The following IGLON5 variants were observed in gnomAD, a reference collection of about 807,000 sequenced individuals.
IGLON5 encodes the protein IgLON family member 5.
In IGLON5, 16 loss-of-function variants were observed where a neutral mutation model predicts 38.2. The ratio of observed to expected loss-of-function variants is 0.42; its 90% confidence interval spans 0.28 to 0.64. The LOEUF (loss-of-function observed/expected upper bound fraction) is 0.64, where lower values mean the gene tolerates loss of function less well. Among genes scored for constraint, IGLON5 ranks in the 30% least tolerant of loss-of-function variants. The probability of loss-of-function intolerance (pLI) is 0.23; values close to 1 mark genes in which losing one functional copy is unlikely to be tolerated. For missense variants in IGLON5, 366 were observed against 483.4 expected (o/e 0.76, Z 2.28); for synonymous variants, 207 against 216.4 (o/e 0.96, Z 0.38).
chr19:51,320,033 A>ACG (rs1985014676), intron 1 of IGLON5, among the ~76,000 whole-genome samples: 1 of 151,224 alleles, frequency 6.6e-6, no homozygotes, highest in Non-Finnish European at 1.5e-5. Context: ...CTGTGTGTGT[A>ACG]TGTGTGTGTG....
chr19:51,316,010 A>G (rs1449400931), intron 1 of IGLON5, among the ~76,000 whole-genome samples: 1 of 151,774 alleles, frequency 6.6e-6, no homozygotes, highest in Non-Finnish European at 1.5e-5. Flanking sequence ...CAACCTTTCA[A>G]AGTTGACAGC....
chr19:51,316,637 G>C (rs528188698), intron 1 of IGLON5, among the ~76,000 whole-genome samples: 1 of 151,738 alleles, frequency 6.6e-6, no homozygotes, highest in Admixed American at 6.6e-5. Context: ...GGGACTACAA[G>C]CACATGCCAC....
chr19:51,327,286 C>T lies in IGLON5; in HGVS notation c.767+86C>T. On this transcript the variant is annotated intron_variant, in intron 6 of 7. Coordinates refer to ENST00000270642, the MANE Select transcript of IGLON5 (RefSeq NM_001101372.3). The surrounding 1 kb of genome is among the most constrained non-coding windows in gnomAD (Gnocchi z 7.1). ...TGTGAGGCAGGGGGACGGAGCGGGG[C>T]GGGGGAAGGCAGCAGAGCTCTGGGT... is the stretch of plus-strand genomic sequence containing the variant. The T allele has an allele frequency of 2.7e-6, 4 of 1,506,088 alleles. No homozygotes were observed. The highest frequency in any genetic ancestry group is 3.6e-6 in the Non-Finnish European group (4 of 1,117,048). The allele number at this position is 1,506,088 out of a possible 1,614,324, so 93.3% of individuals were successfully genotyped here. A position where few individuals can be genotyped will look rare whatever the true frequency, so the allele number is the denominator to read the frequency against.
In IGLON5 at chr19:51,329,800, C is replaced by T. The variant is rs901628193; in HGVS notation, c.*1041C>T. The T allele has an allele frequency of 1.8e-4, 27 of 150,834 alleles. No individual in the cohort carries two copies. Among genetic ancestry groups the T allele is most frequent in the African/African-American group, 2.8e-4 (11 of 39,786 alleles). 9.3% of individuals were successfully genotyped at this position (150,834 alleles called of 1,614,324 possible). On this transcript the variant is annotated 3_prime_UTR_variant, in exon 8 of 8. Transcript: ENST00000270642. The surrounding 1 kb of genome is among the most constrained non-coding windows in gnomAD (Gnocchi z 4.3). ...CTGACCGCCCTCACAGACACTCAGACGCACCACACACACATACACACACAC... is the reference window on the plus strand; with the variant it reads ...CTGACCGCCCTCACAGACACTCAGATGCACCACACACACATACACACACAC...
At chr19:51,312,026 C>A in intron 1 of IGLON5, 100 bp downstream of exon 1, 1 of 616,638 alleles carries the variant, frequency 1.6e-6, no homozygotes, top group Non-Finnish European at 2.3e-6. Flanking sequence ...CATCCCTGGG[C>A]CGGCGCGGGG....
intron 1 of IGLON5, among the ~76,000 whole-genome samples, chr19:51,315,310 C>T (rs1984891087): frequency 2.0e-5 from 3 of 152,250 alleles, no homozygotes; most frequent in African/African-American, 7.2e-5. Flanking sequence ...AGTCCCAGCA[C>T]TGCCCCTGAC....
In IGLON5 at chr19:51,311,906, G is replaced by T; in HGVS notation, c.59G>T (p.Gly20Val). 7.3e-7 allele frequency: 1 copy of T among 1,366,158 alleles called. No individual in the cohort carries two copies. The highest frequency in any genetic ancestry group is 9.5e-7 in the Non-Finnish European group (1 of 1,055,636). The allele number at this position is 1,366,158 out of a possible 1,614,324, so 84.6% of individuals were successfully genotyped here. ...CTTCTCGCCGCCGCCGCCCTGGCCGGCTTGGCCGTCATCAGCCGAGGTACC... is the reference window on the plus strand; with the variant it reads ...CTTCTCGCCGCCGCCGCCCTGGCCGTCTTGGCCGTCATCAGCCGAGGTACC... ...LRLLAAAALA[G>V]LAVISRGLLS... is the part of the protein sequence containing the mutation. Residue 20 changes from glycine (G) to valine (V), a missense_variant, in exon 1 of 8, where the codon GGC becomes GTC. Physicochemically the swap from Gly to Val is moderately radical, Grantham distance 109 (BLOSUM62 -3). Coordinates refer to ENST00000270642, the MANE Select transcript of IGLON5 (RefSeq NM_001101372.3).
intron 1 of IGLON5, among the ~76,000 whole-genome samples, chr19:51,313,679 CTT>C (rs1276613215): frequency 4.3e-5 from 3 of 70,204 alleles, no homozygotes; most frequent in African/African-American, 2.4e-4. Flanking sequence ...TTCTTTCTTT[CTT>C]TCTTTCTTTC....
intron 1 of IGLON5, among the ~76,000 whole-genome samples, chr19:51,317,748 C>T (rs1293463827): frequency 1.3e-5 from 2 of 152,182 alleles, no homozygotes; most frequent in Non-Finnish European, 2.9e-5. Context: ...GGGTTCTTTC[C>T]GAATGCCAAC....
chr19:51,313,062 G>A (rs893861641), intron 1 of IGLON5, among the ~76,000 whole-genome samples: 3 of 152,120 alleles, frequency 2.0e-5, no homozygotes, highest in African/African-American at 7.2e-5. Flanking sequence ...CAGAGAGGCC[G>A]CCCGCATAGA....
rs1568459412 is a variant in IGLON5, at chr19:51,325,856, T to C, written c.511+391T>C. Among the ~76,000 whole-genome samples, 2 of 152,068 alleles carry C rather than the reference T, an allele frequency of 1.3e-5. No homozygotes were observed. Among genetic ancestry groups the C allele is most frequent in the Non-Finnish European group, 2.9e-5 (2 of 68,010 alleles). On this transcript the variant is annotated intron_variant, in intron 4 of 7. Transcript: ENST00000270642. The surrounding 1 kb of genome is among the most constrained non-coding windows in gnomAD (Gnocchi z 5.5). The stretch of plus-strand genomic sequence containing the variant: ...GTACATCTCTGCCTCTCTCTTCTGC[T>C]GGACGCTCTAGCCCAGCGGGCCTCA...
At position 51,327,659 on chromosome 19, in the gene IGLON5, G is replaced by C; in HGVS notation, c.768-73G>C. 1 of 1,529,242 alleles carries C rather than the reference G, an allele frequency of 6.5e-7. No homozygotes were observed. The highest frequency in any genetic ancestry group is 8.7e-7 in the Non-Finnish European group (1 of 1,143,354). The allele number at this position is 1,529,242 out of a possible 1,614,324, so 94.7% of individuals were successfully genotyped here. ...GCAGAATGCTGGGTCACCGGGGAAC[G>C]GAGGAGCCTGAGAGTCGGGGGGCTG... is the stretch of plus-strand genomic sequence containing the variant. On this transcript the variant is annotated intron_variant, in intron 6 of 7. Coordinates refer to ENST00000270642, the MANE Select transcript of IGLON5 (RefSeq NM_001101372.3). This position sits in a 1 kb window ranked among gnomAD's most constrained non-coding sequence, Gnocchi z 7.1.
intron 2 of IGLON5, 110 bp downstream of exon 2, chr19:51,322,252 C>T: frequency 1.1e-6 from 1 of 875,216 alleles, no homozygotes; most frequent in Non-Finnish European, 1.9e-6. Flanking sequence ...GATGGGAAGA[C>T]TTGGGCTCCA....
At chr19:51,321,897 G>A (rs573168571) in intron 1 of IGLON5, among the ~76,000 whole-genome samples, 167 bp from the exon 2 acceptor site, 15 of 152,346 alleles carry the variant, frequency 9.8e-5, no homozygotes, top group African/African-American at 2.9e-4. Context: ...TGCAGGAGAC[G>A]TCTGTGTCCG....
chr19:51,328,866 GC>G lies in IGLON5; in HGVS notation c.*109del. The G allele has an allele frequency of 1.5e-6, 1 of 667,268 alleles. No individual in the cohort carries two copies. Among genetic ancestry groups the G allele is most frequent in the Non-Finnish European group, 2.5e-6 (1 of 406,962 alleles). The allele number at this position is 667,268 out of a possible 1,614,324, so 41.3% of individuals were successfully genotyped here. Reference sequence around the variant, plus strand: ...TCTCGTGGGGGCAGAAGAGCTCTCGGCCACCAAGGAAGAAGAGAGAGGAGAA... The same window carrying G: ...TCTCGTGGGGGCAGAAGAGCTCTCGGCACCAAGGAAGAAGAGAGAGGAGAA... On this transcript the variant is annotated 3_prime_UTR_variant, in exon 8 of 8. Transcript: ENST00000270642.
rs1210283218 is a variant in IGLON5, at chr19:51,323,810, G to A, written c.307G>A (p.Gly103Arg). Residue 103 changes from glycine (G) to arginine (R), a missense_variant, in exon 3 of 8, where the codon GGG becomes AGG. Physicochemically the swap from Gly to Arg is moderately radical, Grantham distance 125 (BLOSUM62 -2). Coordinates refer to ENST00000270642, the MANE Select transcript of IGLON5 (RefSeq NM_001101372.3). ...GTTCTCCATCCTCATCACCGAGGTG[G>A]GGCTCGGCGACGAGGGCCTCTACAC... ...EEFSILITEV[G>R]LGDEGLYTCS... 6.2e-7 allele frequency: 1 copy of A among 1,613,876 alleles called. No individual in the cohort carries two copies.
chr19:51,327,966 C>T lies in IGLON5; in HGVS notation c.922+80C>T. 5 of 1,387,114 alleles carry T rather than the reference C, an allele frequency of 3.6e-6. No individual in the cohort carries two copies. The South Asian group carries it at 6.0e-5, about 17-fold the overall frequency. 85.9% of individuals were successfully genotyped at this position (1,387,114 alleles called of 1,614,324 possible). A position where few individuals can be genotyped will look rare whatever the true frequency, so the allele number is the denominator to read the frequency against. On this transcript the variant is annotated intron_variant, in intron 7 of 7. Transcript: ENST00000270642. The surrounding 1 kb of genome is among the most constrained non-coding windows in gnomAD (Gnocchi z 7.1). Reference sequence around the variant, plus strand: ...TAGGGAAGTGGAGACGCCGGGACCGCCCTTCAGGCTGGCCCTGAACTTAGG... The same window carrying T: ...TAGGGAAGTGGAGACGCCGGGACCGTCCTTCAGGCTGGCCCTGAACTTAGG...
intron 1 of IGLON5, among the ~76,000 whole-genome samples, chr19:51,318,522 T>C (rs1374597747): frequency 6.6e-6 from 1 of 151,744 alleles, no homozygotes; most frequent in African/African-American, 2.4e-5. Flanking sequence ...GGTGGGAGGA[T>C]AGCCCAGGAG....
rs535563546 is a variant in IGLON5 at position 51,319,627 on chromosome 19, G to A, written c.80-2437G>A. 4.6e-5 allele frequency among the ~76,000 whole-genome samples: 7 copies of A among 152,222 alleles called. No individual in the cohort carries two copies. In the South Asian group the frequency reaches 6.2e-4, roughly 14 times the overall value. ...AGCCATGTGTGGGGCTGTTGATGTC[G>A]ATGGAACCATGTGGGAACTATTGTA... On this transcript the variant is annotated intron_variant, in intron 1 of 7. Coordinates refer to ENST00000270642, the MANE Select transcript of IGLON5 (RefSeq NM_001101372.3).
Sources: gnomAD v4.1 joint callset for allele counts (sites outside exome capture counted in the v4.1 genomes callset) on GRCh38, gnomAD v4.1.1 for gene constraint, Gnocchi (gnomAD v3.1) non-coding constraint, MANE v1.5 for transcripts, NCBI Gene and HGNC (gene_info 2026-07-23, HGNC 2026-07-21) for gene names.